The following PIK3C2B variants were observed in gnomAD, a reference collection of about 807,000 sequenced individuals.
PIK3C2B encodes phosphatidylinositol 4-phosphate 3-kinase C2 domain-containing subunit beta.
In PIK3C2B, 83 loss-of-function variants were observed where a neutral mutation model predicts 184.3. The observed-to-expected ratio is 0.45, with a 90% CI of 0.38 to 0.54. The LOEUF (loss-of-function observed/expected upper bound fraction) is 0.54. Among genes scored for constraint, PIK3C2B ranks in the 20% least tolerant of loss-of-function variants. The probability of loss-of-function intolerance (pLI) is 0.00; values close to 1 mark genes in which losing one functional copy is unlikely to be tolerated. For synonymous variants in PIK3C2B, 779 were observed against 837.6 expected (o/e 0.93, Z 1.21); for missense variants, 1,736 against 2,113.5 (o/e 0.82, Z 3.50).
chr1:204,451,166 G>A (rs553611396), intron 12 of PIK3C2B, among the ~76,000 whole-genome samples: 4 of 152,346 alleles, frequency 2.6e-5, no homozygotes, highest in African/African-American at 9.6e-5. Context: ...GGCTTGGCTG[G>A]AGGTGACAAA....
At position 204,464,563 on chromosome 1, in the gene PIK3C2B, C is replaced by A; in HGVS notation, c.1076G>T (p.Gly359Val). Residue 359 changes from glycine (G) to valine (V), a missense_variant, in exon 4 of 33, where the codon GGC becomes GTC. Transcript: ENST00000684373. ...AGGGGTGACAGCACTCCAGACATAG[C>A]CAGTGAGGAAGTAGTCTTGGATGTC... ...GSDIQDYFLT[G>V]YVWSAVTPSP... 1 of 1,614,060 alleles carries A rather than the reference C, an allele frequency of 6.2e-7. No homozygotes were observed. The highest frequency in any genetic ancestry group is 8.5e-7 in the Non-Finnish European group (1 of 1,179,932).
chr1:204,430,996 C>G (rs1264184790), intron 28 of PIK3C2B, among the ~76,000 whole-genome samples: 1 of 152,234 alleles, frequency 6.6e-6, no homozygotes, highest in Non-Finnish European at 1.5e-5. Flanking sequence ...ATATGTGTAA[C>G]ATAAAATTTG....
intron 1 of PIK3C2B, among the ~76,000 whole-genome samples, chr1:204,485,112 G>C (rs1657480997): frequency 1.3e-5 from 2 of 150,638 alleles, no homozygotes; most frequent in Admixed American, 1.3e-4. Context: ...GAAGTGGTGT[G>C]ATCACGGATC....
chr1:204,469,428 T>C lies in PIK3C2B; in HGVS notation c.375A>G (p.Gly125=), dbSNP rs1656110517. 6.4e-7 allele frequency: 1 copy of C among 1,563,556 alleles called. No homozygotes were observed. The highest frequency in any genetic ancestry group is 8.6e-7 in the Non-Finnish European group (1 of 1,160,188). ...SDPWPKGSLS[G]DYLYIFDGSD... is the part of the protein sequence containing the mutation. ...AACCATCAAAAATGTAGAGATAGTC[T>C]CCAGACAGGGAGCCTTTGGGCCAGG... is the stretch of plus-strand genomic sequence containing the variant. Residue 125 remains glycine, a synonymous_variant, in exon 2 of 33, where the codon GGA becomes GGG. Coordinates refer to ENST00000684373, the MANE Select transcript of PIK3C2B (RefSeq NM_001377334.1).
At chr1:204,428,049 G>C (rs1674842014) in intron 30 of PIK3C2B, 90 bp downstream of exon 30, 1 of 748,644 alleles carries the variant, frequency 1.3e-6, no homozygotes, top group Non-Finnish European at 2.4e-6. Context: ...AAGTCAAGGA[G>C]AGAGAACTGA....
At chr1:204,428,464 C>T (rs1277670803) in intron 29 of PIK3C2B, among the ~76,000 whole-genome samples, 1 of 152,106 alleles carries the variant, frequency 6.6e-6, no homozygotes, top group Non-Finnish European at 1.5e-5. Flanking sequence ...AAAAACAAGA[C>T]TTTATTGTTT....
chr1:204,442,478 C>T lies in PIK3C2B; in HGVS notation c.3156+48G>A, dbSNP rs1675717365. 3 of 1,254,726 alleles carry T rather than the reference C, an allele frequency of 2.4e-6. No homozygotes were observed. The South Asian group carries it at 3.8e-5, about 16-fold the overall frequency. The allele number at this position is 1,254,726 out of a possible 1,614,324, so 77.7% of individuals were successfully genotyped here. On this transcript the variant is annotated intron_variant, in intron 20 of 32. Coordinates refer to ENST00000684373, the MANE Select transcript of PIK3C2B (RefSeq NM_001377334.1). The stretch of plus-strand genomic sequence containing the variant: ...TGCCTGGTTAGTGAAGACCTCACCT[C>T]CACTGAGCCCTCCCACTCTGAGAGC...
rs993743185 is a variant in PIK3C2B, at chr1:204,457,628, T to G, written c.1713+100A>C. ...AGATGGAGGTGGAGAGAAGCCCCTT[T>G]TTAGTGAGTGAACACCTACACACTC... On this transcript the variant is annotated intron_variant, in intron 9 of 32. Transcript: ENST00000684373. The G allele has an allele frequency of 1.1e-5, 13 of 1,175,606 alleles. No homozygotes were observed. In the African/African-American group the frequency reaches 1.7e-4, roughly 16 times the overall value. 72.8% of individuals were successfully genotyped at this position (1,175,606 alleles called of 1,614,324 possible).
intron 12 of PIK3C2B, 160 bp downstream of exon 12, chr1:204,454,509 G>A (rs2103495719): frequency 3.1e-6 from 2 of 636,076 alleles, no homozygotes; most frequent in South Asian, 2.4e-5. Flanking sequence ...AAGAGTCAGG[G>A]AAGTGGAGAC....
In PIK3C2B at chr1:204,424,334, T is replaced by G; in HGVS notation, c.*518A>C. 1 of 196,866 alleles carries G rather than the reference T, an allele frequency of 5.1e-6. No homozygotes were observed. The allele number at this position is 196,866 out of a possible 1,614,324, so 12.2% of individuals were successfully genotyped here. On this transcript the variant is annotated 3_prime_UTR_variant, in exon 33 of 33. Coordinates refer to ENST00000684373, the MANE Select transcript of PIK3C2B (RefSeq NM_001377334.1). ...CTAGAAAACGAAACAACAACAACAA[T>G]AACAAAAAAAAAAAACCTAGGGAAA...
At chr1:204,454,838 A>G (rs1472748903) in intron 11 of PIK3C2B, 47 bp from the exon 12 acceptor site, 3 of 1,586,880 alleles carry the variant, frequency 1.9e-6, no homozygotes, top group Non-Finnish European at 2.6e-6. Flanking sequence ...CCCAAAACCA[A>G]TCACCCAAAC....
At chr1:204,479,779 C>A (rs1263569546) in intron 1 of PIK3C2B, among the ~76,000 whole-genome samples, 1 of 152,238 alleles carries the variant, frequency 6.6e-6, no homozygotes, top group African/African-American at 2.4e-5. Flanking sequence ...TTAGCTCATG[C>A]CCTTGGGAAT....
intron 12 of PIK3C2B, 136 bp from the exon 13 acceptor site, chr1:204,450,153 G>A: frequency 1.4e-6 from 1 of 694,408 alleles, no homozygotes. Flanking sequence ...CCCTGAGGAA[G>A]CCCTCCTCCT....
At chr1:204,449,735 G>T in intron 13 of PIK3C2B, 115 bp downstream of exon 13, 1 of 921,438 alleles carries the variant, frequency 1.1e-6, no homozygotes, top group Non-Finnish European at 1.6e-6. Flanking sequence ...TCACCAGTGA[G>T]CCCCACATGG....
Position 204,424,751 on chromosome 1 carries a change from C to T in PIK3C2B, c.*101G>A, listed in dbSNP as rs763503821. ...CACCTGGACCGAGCTGGAGGCCTGC[C>T]CAGGGCCCTGGCCCTTCACAAGGAG... On this transcript the variant is annotated 3_prime_UTR_variant, in exon 33 of 33. Coordinates refer to ENST00000684373, the MANE Select transcript of PIK3C2B (RefSeq NM_001377334.1). 18 of 1,234,456 alleles carry T rather than the reference C, an allele frequency of 1.5e-5. No homozygotes were observed. In the South Asian group the frequency reaches 2.0e-4, roughly 14 times the overall value. The allele number at this position is 1,234,456 out of a possible 1,614,324, so 76.5% of individuals were successfully genotyped here.
At chr1:204,441,343 A>G (rs1248708341) in intron 21 of PIK3C2B, 128 bp downstream of exon 21, 2 of 591,784 alleles carry the variant, frequency 3.4e-6, no homozygotes, top group Non-Finnish European at 6.1e-6. Flanking sequence ...TCACCTGATC[A>G]TCTTTCCTAC....
intron 2 of PIK3C2B, among the ~76,000 whole-genome samples, chr1:204,467,833 CAAAAAAA>C (rs545904416): frequency 4.5e-5 from 4 of 88,566 alleles, no homozygotes; most frequent in African/African-American, 1.2e-4. Context: ...GACTCTGTCT[CAAAAAAA>C]AAAAAAAAAA....
Position 204,430,350 on chromosome 1 carries a change from C to CTT in PIK3C2B, c.4281-314_4281-313dup, listed in dbSNP as rs563387033. On this transcript the variant is annotated intron_variant, in intron 28 of 32. Transcript: ENST00000684373. ...AGTTTCTCCCATCGATGTAAAAATC[C>CTT]TTTTTTTTTTTTTGAGATGGAGTCT... Among the ~76,000 whole-genome samples the CTT allele has an allele frequency of 2.4e-4, 35 of 145,230 alleles. 1 individual carries two copies. In the South Asian group the frequency reaches 3.5e-3, roughly 15 times the overall value.
At chr1:204,429,114 G>A (rs12120371) in intron 29 of PIK3C2B, among the ~76,000 whole-genome samples, 3 of 152,066 alleles carry the variant, frequency 2.0e-5, no homozygotes, top group Non-Finnish European at 2.9e-5. Context: ...TACAGTCCCA[G>A]CTACTCAGGA....
Sources: gnomAD v4.1 joint callset for allele counts (sites outside exome capture counted in the v4.1 genomes callset) on GRCh38, gnomAD v4.1.1 for gene constraint, MANE v1.5 for transcripts, NCBI Gene and HGNC (gene_info 2026-07-23, HGNC 2026-07-21) for gene names.